RPS6KA5: variants seen among roughly 807,000 people sequenced by gnomAD.
The protein encoded by RPS6KA5 is ribosomal protein S6 kinase A5.
Under a neutral mutation model 85.5 loss-of-function variants are expected in RPS6KA5, and 27 were observed. The ratio of observed to expected loss-of-function variants is 0.32; its 90% CI spans 0.23 to 0.44. The LOEUF (loss-of-function observed/expected upper bound fraction) is 0.44, where lower values mean the gene tolerates loss of function less well. Among genes scored for constraint, RPS6KA5 ranks in the 20% least tolerant of loss-of-function variants. RPS6KA5 has a pLI of 1.00. For missense variants in RPS6KA5, 811 were observed against 980.9 expected (o/e 0.83, Z 2.31); for synonymous variants, 334 against 348.2 (o/e 0.96, Z 0.46).
intron 2 of RPS6KA5, among the ~76,000 whole-genome samples, chr14:91,000,101 C>T (rs1020968983): frequency 3.3e-5 from 5 of 152,094 alleles, no homozygotes; most frequent in Admixed American, 2.0e-4. Context: ...CCACCACGCC[C>T]GGGCACCTAG....
chr14:90,992,461 A>G (rs1287805869), intron 2 of RPS6KA5, among the ~76,000 whole-genome samples: 1 of 152,262 alleles, frequency 6.6e-6, no homozygotes. Flanking sequence ...GTGCAGATGT[A>G]TAATAGATAA....
chr14:90,883,470 CTTTTCA>C (rs1221313652), intron 14 of RPS6KA5, among the ~76,000 whole-genome samples: 1 of 152,010 alleles, frequency 6.6e-6, no homozygotes, highest in African/African-American at 2.4e-5. Flanking sequence ...TCCAGAATTC[CTTTTCA>C]TTTTCTTTTC....
At chr14:90,999,382 C>T (rs1410732589) in intron 2 of RPS6KA5, among the ~76,000 whole-genome samples, 1 of 152,026 alleles carries the variant, frequency 6.6e-6, no homozygotes. Flanking sequence ...TCCTGTCAGG[C>T]GCTAGAACAC....
At position 90,902,927 on chromosome 14, in the gene RPS6KA5, G is replaced by C. The variant is rs780955166; in HGVS notation, c.1000C>G (p.Pro334Ala). ...DDLAAKKVPA[P>A]FKPVIRDELD... ...TCATCTCGAATGACTGGCTTAAATG[G>C]TGCAGGCACTTTTTTGGCGGCTAAA... Residue 334 changes from proline to alanine, a missense_variant, in exon 9 of 17, where the codon CCA becomes GCA. By Grantham distance (27) the Pro-to-Ala change is conservative. Transcript: ENST00000614987. The C allele has an allele frequency of 2.7e-5, 43 of 1,613,384 alleles. No individual in the cohort carries two copies. The highest frequency in any genetic ancestry group is 3.3e-4 in the Middle Eastern group (2 of 6,084).
intron 1 of RPS6KA5, among the ~76,000 whole-genome samples, chr14:91,047,447 G>T (rs1460606774): frequency 6.6e-6 from 1 of 152,288 alleles, no homozygotes; most frequent in African/African-American, 2.4e-5. Flanking sequence ...GATCAGAAAG[G>T]AATGTCTCCC....
intron 7 of RPS6KA5, among the ~76,000 whole-genome samples, chr14:90,914,198 AC>A (rs2035982200): frequency 6.6e-6 from 1 of 152,128 alleles, no homozygotes; most frequent in East Asian, 1.9e-4. Context: ...CATCAGGGAA[AC>A]AACAGAGGGC....
intron 3 of RPS6KA5, 125 bp from the exon 4 acceptor site, chr14:90,947,675 C>CA: frequency 3.4e-6 from 2 of 596,296 alleles, no homozygotes; most frequent in Non-Finnish European, 5.9e-6. Flanking sequence ...TACAATTTAG[C>CA]ATACAGTATC....
At position 90,938,540 on chromosome 14, in the gene RPS6KA5, C is replaced by T. The variant is rs375808885; in HGVS notation, c.618+4538G>A. On this transcript the variant is annotated intron_variant, in intron 5 of 16. Coordinates refer to ENST00000614987, the MANE Select transcript of RPS6KA5 (RefSeq NM_004755.4). ...GAGGTTCTCCGTGAGGGCCCCATTCCTGCAGCAAACGTCTGCCTGGGCATC... is the reference window on the plus strand; with the variant it reads ...GAGGTTCTCCGTGAGGGCCCCATTCTTGCAGCAAACGTCTGCCTGGGCATC... 3.9e-5 allele frequency among the ~76,000 whole-genome samples: 6 copies of T among 152,366 alleles called. No individual in the cohort carries two copies. In the East Asian group the frequency reaches 5.8e-4, roughly 15 times the overall value.
intron 2 of RPS6KA5, among the ~76,000 whole-genome samples, chr14:90,990,783 A>G (rs1446890360): frequency 6.6e-6 from 1 of 152,192 alleles, no homozygotes; most frequent in Non-Finnish European, 1.5e-5. Context: ...AAACTGATGT[A>G]GGAAAAGAAA....
rs1412616852 is a variant in RPS6KA5, at chr14:90,864,941, A to G, written c.*7133T>C. 6.6e-6 allele frequency: 1 copy of G among 152,218 alleles called. No homozygotes were observed. Among genetic ancestry groups the G allele is most frequent in the Middle Eastern group, 3.2e-3 (1 of 316 alleles). 9.4% of individuals were successfully genotyped at this position (152,218 alleles called of 1,614,324 possible). ...GATGAGGATGTGGAAGAACTAGAACACTTACACATTATTGGTGGGTATGTA... is the reference window on the plus strand; with the variant it reads ...GATGAGGATGTGGAAGAACTAGAACGCTTACACATTATTGGTGGGTATGTA... On this transcript the variant is annotated 3_prime_UTR_variant, in exon 17 of 17. Coordinates refer to ENST00000614987, the MANE Select transcript of RPS6KA5 (RefSeq NM_004755.4).
In RPS6KA5 at chr14:90,856,508, C is replaced by T. The variant is rs1722415629; in HGVS notation, c.*15566G>A. On this transcript the variant is annotated 3_prime_UTR_variant, in exon 17 of 17. Coordinates refer to ENST00000614987, the MANE Select transcript of RPS6KA5 (RefSeq NM_004755.4). ...CCTCTCAAGTAGCTGGGATTACAGG[C>T]ATGCGCTACCACGCCCGGCTAATTT... is the stretch of plus-strand genomic sequence containing the variant. 2 of 152,124 alleles carry T rather than the reference C, an allele frequency of 1.3e-5. No homozygotes were observed. The highest frequency in any genetic ancestry group is 6.6e-5 in the Admixed American group (1 of 15,246). 9.4% of individuals were successfully genotyped at this position (152,124 alleles called of 1,614,324 possible).
intron 3 of RPS6KA5, among the ~76,000 whole-genome samples, chr14:90,952,750 TG>T (rs1346887039): frequency 1.3e-5 from 2 of 152,254 alleles, no homozygotes; most frequent in African/African-American, 4.8e-5. Flanking sequence ...ACAACAAGAC[TG>T]ATCATTAATG....
intron 2 of RPS6KA5, among the ~76,000 whole-genome samples, chr14:90,994,561 ATTTTTTTTTTTTTTT>A (rs935828871): frequency 1.3e-4 from 8 of 61,942 alleles, no homozygotes; most frequent in South Asian, 6.1e-4. Context: ...GATGTTTGTG[ATTTTTTTTTTTTTTT>A]TTTTTTTTTT....
intron 1 of RPS6KA5, among the ~76,000 whole-genome samples, chr14:91,057,103 T>G (rs2043356472): frequency 6.6e-6 from 1 of 151,770 alleles, no homozygotes; most frequent in African/African-American, 2.4e-5. Flanking sequence ...ATGGTCTCCA[T>G]CTCTTGACCT....
chr14:90,879,354 C>A lies in RPS6KA5; in HGVS notation c.1837-3994G>T, dbSNP rs151142514. ...CTCACTGAAGGAGGTTCCCTATGAT[C>A]AACTGATAAGCCTGGTTGGCAGATG... is the stretch of plus-strand genomic sequence containing the variant. On this transcript the variant is annotated intron_variant, in intron 14 of 16. Transcript: ENST00000614987. Among the ~76,000 whole-genome samples the A allele has an allele frequency of 7.6e-4, 116 of 152,372 alleles. No individual in the cohort carries two copies. In the East Asian group the frequency reaches 0.022, roughly 28 times the overall value.
At position 90,868,617 on chromosome 14, in the gene RPS6KA5, T is replaced by C. The variant is rs2032910061; in HGVS notation, c.*3457A>G. ...GAACAGCCAAAGTAATCAGGCAGTC[T>C]AAGGCACATATAGACCCAATAATTT... On this transcript the variant is annotated 3_prime_UTR_variant, in exon 17 of 17. Transcript: ENST00000614987. 6.6e-6 allele frequency: 1 copy of C among 152,192 alleles called. No homozygotes were observed. The highest frequency in any genetic ancestry group is 1.5e-5 in the Non-Finnish European group (1 of 68,038). The allele number at this position is 152,192 out of a possible 1,614,324, so 9.4% of individuals were successfully genotyped here.
intron 2 of RPS6KA5, among the ~76,000 whole-genome samples, chr14:90,983,823 CTCTCTCTCTCTCTCTCTTTCTTTT>C (rs1339340557): frequency 5.8e-5 from 8 of 138,144 alleles, no homozygotes; most frequent in African/African-American, 1.8e-4. Flanking sequence ...CTCTGTCTCT[CTCTCTCTCTCTCTCTCTTTCTTTT>C]TTTCTTTCTT....
chr14:91,053,410 T>A (rs1413304477), intron 1 of RPS6KA5, among the ~76,000 whole-genome samples: 1 of 152,152 alleles, frequency 6.6e-6, no homozygotes, highest in Non-Finnish European at 1.5e-5. Flanking sequence ...AAGAAAGAAG[T>A]AAAATTATCT....
chr14:91,052,550 C>T (rs1395744857), intron 1 of RPS6KA5: 2 of 186,178 alleles, frequency 1.1e-5, no homozygotes, highest in Non-Finnish European at 2.2e-5. Flanking sequence ...TTTAGGCAAG[C>T]GCGGTGGCTC....
Sources: allele counts gnomAD v4.1 joint callset (sites outside exome capture counted in the v4.1 genomes callset), GRCh38; gene constraint gnomAD v4.1.1; transcripts MANE v1.5; gene names NCBI Gene and HGNC (gene_info 2026-07-23, HGNC 2026-07-21).